Variants in TSNAXIP1 observed in about 807,000 individuals in gnomAD.
TSNAXIP1 encodes the protein translin associated factor X interacting protein 1.
TSNAXIP1 carries 89 observed loss-of-function variants against 84.8 expected under a neutral mutation model. The ratio of observed to expected loss-of-function variants is 1.05; its 90% CI spans 0.88 to 1.25. TSNAXIP1 has a LOEUF of 1.25. TSNAXIP1 is among the 50% of genes most tolerant of loss of function. The pLI is 0.00. For missense variants in TSNAXIP1, 874 were observed against 887.6 expected (o/e 0.98, Z 0.20); for synonymous variants, 347 against 335.2 (o/e 1.04, Z -0.39).
At chr16:67,812,450 G>A (rs1374480251) in intron 1 of TSNAXIP1, among the ~76,000 whole-genome samples, 1 of 142,316 alleles carries the variant, frequency 7.0e-6, no homozygotes, top group Non-Finnish European at 1.5e-5. Context: ...GGCAGATCAC[G>A]AGGTCAGGAG....
rs534226326 is a variant in TSNAXIP1 at position 67,825,807 on chromosome 16, G to C, written c.955G>C (p.Glu319Gln). ...CCCCAGGAGGGACTTTGAAATGCAG[G>C]AGAAGACCAACAAGGATCTTCAGGA... ...VVPRRDFEMQ[E>Q]KTNKDLQEQL... Residue 319 changes from glutamate to glutamine, a missense_variant, in exon 8 of 16, where the codon GAG (glutamate) becomes CAG (glutamine). Coordinates refer to ENST00000561639, the MANE Select transcript of TSNAXIP1 (RefSeq NM_001288990.3). 93 of 1,585,020 alleles carry C rather than the reference G, an allele frequency of 5.9e-5. No individual in the cohort carries two copies. The South Asian group carries it at 9.8e-4, about 17-fold the overall frequency.
At chr16:67,817,315 A>ATTT (rs561026786) in intron 2 of TSNAXIP1, among the ~76,000 whole-genome samples, 1 of 128,874 alleles carries the variant, frequency 7.8e-6, no homozygotes, top group Non-Finnish European at 1.7e-5. Flanking sequence ...GCGCCCGGCT[A>ATTT]TTTTTTTTTT....
intron 1 of TSNAXIP1, among the ~76,000 whole-genome samples, chr16:67,808,321 A>C (rs2055675640): frequency 6.6e-6 from 1 of 152,164 alleles, no homozygotes; most frequent in Admixed American, 6.6e-5. Flanking sequence ...TCACGCCTAT[A>C]ATCCCAGCAC....
At chr16:67,827,145 G>A in intron 13 of TSNAXIP1, 73 bp downstream of exon 13, 1 of 1,605,370 alleles carries the variant, frequency 6.2e-7, no homozygotes, top group Admixed American at 1.7e-5. Flanking sequence ...AGGGGCACCT[G>A]GTGGGAAGGG....
chr16:67,825,139 G>A lies in TSNAXIP1; in HGVS notation c.681G>A (p.Val227=). 1 of 1,613,762 alleles carries A rather than the reference G, an allele frequency of 6.2e-7. No homozygotes were observed. The highest frequency in any genetic ancestry group is 1.1e-5 in the South Asian group (1 of 91,030). The part of the protein sequence containing the change: ...NEEKISLQSE[V]TKLRKNLAEE... ...CCACACAGCCACCTTCTTGCCAGGT[G>A]ACCAAACTGAGGAAGAACTTGGCTG... Residue 227 remains valine (V), a splice_region_variant and synonymous_variant, in exon 7 of 16, where the codon GTG becomes GTA. Coordinates refer to ENST00000561639, the MANE Select transcript of TSNAXIP1 (RefSeq NM_001288990.3).
intron 4 of TSNAXIP1, among the ~76,000 whole-genome samples, chr16:67,822,211 G>A (rs1301518210): frequency 9.5e-5 from 14 of 146,684 alleles, no homozygotes; most frequent in South Asian, 2.2e-4. Flanking sequence ...CCTGGGAGGC[G>A]GAGCTTGCAG....
rs1012082911 is a variant in TSNAXIP1, at chr16:67,807,186, T to G, written c.37T>G (p.Ser13Ala). ...CQQSRYHSFSSASRLQPRPSG... is the reference protein window; with the variant it reads ...CQQSRYHSFSAASRLQPRPSG... ...GCAGTCGCGGTACCACAGCTTCTCG[T>G]CCGCGTCGAGGTAGGCGCTGGCAGG... is the stretch of plus-strand genomic sequence containing the variant. The change falls in exon 1 of 16, where the codon TCC (serine) becomes GCC (alanine). Residue 13 changes from serine (S) to alanine (A), a missense_variant. By Grantham distance (99) the Ser-to-Ala change is moderately conservative. Coordinates refer to ENST00000561639, the MANE Select transcript of TSNAXIP1 (RefSeq NM_001288990.3). The G allele has an allele frequency of 2.0e-6, 3 of 1,535,790 alleles. No homozygotes were observed. The African/African-American group carries it at 4.1e-5, about 21-fold the overall frequency.
chr16:67,813,125 G>T (rs1402438007), intron 1 of TSNAXIP1, among the ~76,000 whole-genome samples: 1 of 152,140 alleles, frequency 6.6e-6, no homozygotes, highest in African/African-American at 2.4e-5. Flanking sequence ...GGTGGCTTAC[G>T]CCTGTAATCC....
At position 67,825,804 on chromosome 16, in the gene TSNAXIP1, CAGG is replaced by C. The variant is rs56304438; in HGVS notation, c.955_957del (p.Glu319del). 9.1e-3 allele frequency: 14,691 copies of C among 1,614,164 alleles called. 100 individuals carry two copies. Among genetic ancestry groups the C allele is most frequent in the Non-Finnish European group, 0.011 (13,458 of 1,180,042 alleles). On this transcript the variant is annotated inframe_deletion, in exon 8 of 16. Transcript: ENST00000561639. ...GGTCCCCAGGAGGGACTTTGAAATG[CAGG>C]AGAAGACCAACAAGGATCTTCAGGA...
chr16:67,814,195 A>C, intron 1 of TSNAXIP1, 107 bp from the exon 2 acceptor site: 1 of 882,128 alleles, frequency 1.1e-6, no homozygotes, highest in Non-Finnish European at 1.8e-6. Flanking sequence ...CAGCACCCAG[A>C]GCCTGGCTCA....
intron 2 of TSNAXIP1, among the ~76,000 whole-genome samples, chr16:67,819,762 C>T (rs1171090244): frequency 2.6e-5 from 4 of 151,430 alleles, no homozygotes; most frequent in Non-Finnish European, 4.4e-5. Context: ...ATTCTCCTGC[C>T]TCAGCCTCCT....
chr16:67,823,819 C>A lies in TSNAXIP1; in HGVS notation c.481+100C>A. On this transcript the variant is annotated intron_variant, in intron 5 of 15. Transcript: ENST00000561639. Reference sequence around the variant, plus strand: ...ATCACTTGAGGTCAGGAGTTTGAGACCAGCCTGGCCAACATGGTGAAACCC... The same window carrying A: ...ATCACTTGAGGTCAGGAGTTTGAGAACAGCCTGGCCAACATGGTGAAACCC... The A allele has an allele frequency of 4.2e-6, 4 of 953,504 alleles. No individual in the cohort carries two copies. In the South Asian group the frequency reaches 5.5e-5, roughly 13 times the overall value. The allele number at this position is 953,504 out of a possible 1,614,324, so 59.1% of individuals were successfully genotyped here.
intron 1 of TSNAXIP1, 127 bp from the exon 2 acceptor site, chr16:67,814,159 TGGCAGTGTCTCTGGGA>T: frequency 1.6e-6 from 1 of 641,032 alleles, no homozygotes; most frequent in Non-Finnish European, 2.7e-6. Context: ...GGGACTTGCT[TGGCAGTGTCTCTGGGA>T]ATCCGGAGGC....
In TSNAXIP1 at chr16:67,807,169, G is replaced by C. The variant is rs1350714587; in HGVS notation, c.20G>C (p.Arg7Pro). 1.3e-6 allele frequency: 2 copies of C among 1,535,816 alleles called. No homozygotes were observed. The highest frequency in any genetic ancestry group is 4.9e-5 in the East Asian group (2 of 40,900). The change falls in exon 1 of 16, where the codon CGG (arginine) becomes CCG (proline). Residue 7 changes from arginine (R) to proline (P), a missense_variant. Arg to Pro is a moderately radical substitution (Grantham distance 103). Transcript: ENST00000561639. MACQQS[R>P]YHSFSSASRL... Reference sequence around the variant, plus strand: ...TGGGTCATGGCCTGCCAGCAGTCGCGGTACCACAGCTTCTCGTCCGCGTCG... The same window carrying C: ...TGGGTCATGGCCTGCCAGCAGTCGCCGTACCACAGCTTCTCGTCCGCGTCG...
At chr16:67,823,382 A>C (rs1162819996) in intron 4 of TSNAXIP1, among the ~76,000 whole-genome samples, 1 of 152,004 alleles carries the variant, frequency 6.6e-6, no homozygotes, top group African/African-American at 2.4e-5. Flanking sequence ...ATCTCTACTA[A>C]AAATACAAAA....
chr16:67,812,976 A>G (rs2056229337), intron 1 of TSNAXIP1, among the ~76,000 whole-genome samples: 1 of 151,730 alleles, frequency 6.6e-6, no homozygotes, highest in African/African-American at 2.4e-5. Flanking sequence ...GCTGGAGTGC[A>G]GTGGTGCAAT....
rs771057168 is a variant in TSNAXIP1 at position 67,824,559 on chromosome 16, G to C, written c.482-24G>C. ...GTTTGTTCTCCATGGCCCCAAAGCA[G>C]CTCTCCCACCTGTCTCTGCTTAGCC... On this transcript the variant is annotated intron_variant, in intron 5 of 15. Transcript: ENST00000561639. 1.9e-6 allele frequency: 3 copies of C among 1,609,316 alleles called. No homozygotes were observed. The South Asian group carries it at 3.3e-5, about 18-fold the overall frequency.
chr16:67,817,150 TTTG>T (rs1478666073), intron 2 of TSNAXIP1, among the ~76,000 whole-genome samples: 1 of 150,106 alleles, frequency 6.7e-6, no homozygotes, highest in Non-Finnish European at 1.5e-5. Context: ...CGGTTTTTTT[TTTG>T]TTTTTTGTTT....
At chr16:67,811,720 G>T (rs2151195857) in intron 1 of TSNAXIP1, among the ~76,000 whole-genome samples, 1 of 152,156 alleles carries the variant, frequency 6.6e-6, no homozygotes, top group South Asian at 2.1e-4. Context: ...GGGATTACAG[G>T]CTTGAGCCAC....
Sources: allele counts gnomAD v4.1 joint callset (sites outside exome capture counted in the v4.1 genomes callset), GRCh38; gene constraint gnomAD v4.1.1; transcripts MANE v1.5; gene names NCBI Gene and HGNC (gene_info 2026-07-23, HGNC 2026-07-21).